BMPR1A: variants seen among roughly 807,000 people sequenced by gnomAD.
BMPR1A encodes the protein bone morphogenetic protein receptor type-1A.
Under a neutral mutation model 66.0 loss-of-function variants are expected in BMPR1A, and 7 were observed. The ratio of observed to expected loss-of-function variants is 0.11; its 90% CI spans 0.06 to 0.20. The LOEUF is 0.20. Among genes scored for constraint, BMPR1A ranks in the 10% least tolerant of loss-of-function variants. The pLI, the probability that BMPR1A is intolerant of heterozygous loss-of-function variation, is 1.00. For missense variants in BMPR1A, 408 were observed against 669.1 expected, an observed-to-expected ratio of 0.61 and a Z score of 4.31; for synonymous variants, 200 against 229.7, an observed-to-expected ratio of 0.87 and a Z score of 1.17.
At chr10:86,874,926 T>C (rs895018041) in intron 2 of BMPR1A, among the ~76,000 whole-genome samples, 6 of 150,192 alleles carry the variant, frequency 4.0e-5, no homozygotes, top group Non-Finnish European at 8.9e-5. Flanking sequence ...GGTTTCACCA[T>C]GCTGGCCAGG....
intron 1 of BMPR1A, among the ~76,000 whole-genome samples, chr10:86,797,555 G>A (rs575722993): frequency 2.8e-4 from 42 of 151,946 alleles, no homozygotes; most frequent in African/African-American, 9.6e-4. Context: ...TAGTAGAGAC[G>A]AGGTTTCACC....
intron 2 of BMPR1A, among the ~76,000 whole-genome samples, chr10:86,864,358 T>C (rs1842751910): frequency 6.6e-6 from 1 of 152,224 alleles, no homozygotes; most frequent in Admixed American, 6.5e-5. Flanking sequence ...GCCTCCACTA[T>C]TGCTCTCGGT....
chr10:86,894,183 GGCAGTCAT>G (rs1169561166), intron 5 of BMPR1A, among the ~76,000 whole-genome samples: 1 of 152,308 alleles, frequency 6.6e-6, no homozygotes, highest in African/African-American at 2.4e-5. Context: ...TTAGATATTT[GGCAGTCAT>G]GCCATATTCT....
intron 3 of BMPR1A, among the ~76,000 whole-genome samples, chr10:86,878,835 G>A (rs1004470335): frequency 6.6e-6 from 1 of 152,182 alleles, no homozygotes. Context: ...CTAGGGCTGG[G>A]TGTGTTGTTC....
At chr10:86,758,391 CTTA>C (rs1353266820) in intron 1 of BMPR1A, among the ~76,000 whole-genome samples, 2 of 122,170 alleles carry the variant, frequency 1.6e-5, no homozygotes, top group Non-Finnish European at 3.5e-5. Flanking sequence ...TTTTGTCTTT[CTTA>C]TTAGTTAACA....
intron 1 of BMPR1A, among the ~76,000 whole-genome samples, chr10:86,773,386 T>G (rs1452202686): frequency 2.0e-5 from 3 of 151,878 alleles, no homozygotes; most frequent in African/African-American, 7.3e-5. Context: ...GTCAGGAGTT[T>G]GAGACTAGCC....
chr10:86,881,598 A>G (rs1842986888), intron 3 of BMPR1A, among the ~76,000 whole-genome samples: 1 of 152,216 alleles, frequency 6.6e-6, no homozygotes, highest in Non-Finnish European at 1.5e-5. Context: ...ACCATATTGG[A>G]CAGCACAGCT....
chr10:86,882,934 G>A (rs1445368047), intron 3 of BMPR1A, among the ~76,000 whole-genome samples: 1 of 152,082 alleles, frequency 6.6e-6, no homozygotes, highest in East Asian at 1.9e-4. Flanking sequence ...CTGTACTCCA[G>A]CCTGGGCAAC....
At chr10:86,819,212 C>T (rs927948038) in intron 1 of BMPR1A, among the ~76,000 whole-genome samples, 1 of 152,156 alleles carries the variant, frequency 6.6e-6, no homozygotes, top group Non-Finnish European at 1.5e-5. Context: ...ACTTACATCT[C>T]TGGAGATCTC....
chr10:86,763,929 C>T (rs942117403), intron 1 of BMPR1A, among the ~76,000 whole-genome samples: 6 of 151,876 alleles, frequency 4.0e-5, no homozygotes, highest in Admixed American at 6.6e-5. Flanking sequence ...TAGCTGGGAC[C>T]ACAGGAGCCC....
At chr10:86,899,966 A>G in intron 6 of BMPR1A, 61 bp from the exon 7 acceptor site, 1 of 1,611,188 alleles carries the variant, frequency 6.2e-7, no homozygotes, top group Non-Finnish European at 8.5e-7. Context: ...GCTACCTAGA[A>G]TTGAACACGT....
intron 3 of BMPR1A, among the ~76,000 whole-genome samples, chr10:86,881,604 C>T (rs1488122224): frequency 6.6e-6 from 1 of 152,192 alleles, no homozygotes; most frequent in Non-Finnish European, 1.5e-5. Flanking sequence ...TTGGACAGCA[C>T]AGCTCTCGAG....
chr10:86,771,041 C>T (rs1841250472), intron 1 of BMPR1A, among the ~76,000 whole-genome samples: 1 of 152,130 alleles, frequency 6.6e-6, no homozygotes, highest in African/African-American at 2.4e-5. Context: ...TTCTCAGTGG[C>T]CTGTTTCCAA....
chr10:86,882,365 G>C (rs1370644279), intron 3 of BMPR1A, among the ~76,000 whole-genome samples: 1 of 152,082 alleles, frequency 6.6e-6, no homozygotes, highest in African/African-American at 2.4e-5. Context: ...GGAGGTTGCA[G>C]TGAGCCGAGA....
chr10:86,814,022 G>A (rs1305690432), intron 1 of BMPR1A, among the ~76,000 whole-genome samples: 1 of 152,056 alleles, frequency 6.6e-6, no homozygotes, highest in Non-Finnish European at 1.5e-5. Flanking sequence ...TGTTGTTAAT[G>A]TAGTTTTTTT....
Position 86,852,096 on chromosome 10 carries a change from G to A in BMPR1A, c.-153+13117G>A, listed in dbSNP as rs1166932563. On this transcript the variant is annotated intron_variant, in intron 2 of 12. Coordinates refer to ENST00000372037, the MANE Select transcript of BMPR1A (RefSeq NM_004329.3). The stretch of plus-strand genomic sequence containing the variant: ...AAGACCTTGCCTTTAAAAAAGAAAA[G>A]TCTGAAATACCCCTCACAACTGTTA... Among the ~76,000 whole-genome samples the A allele has an allele frequency of 2.7e-5, 4 of 149,996 alleles. No homozygotes were observed. The South Asian group carries it at 8.5e-4, about 32-fold the overall frequency.
At position 86,861,762 on chromosome 10, in the gene BMPR1A, G is replaced by A. The variant is rs182646362; in HGVS notation, c.-152-14105G>A. On this transcript the variant is annotated intron_variant, in intron 2 of 12. Transcript: ENST00000372037. Reference sequence around the variant, plus strand: ...CTTTTAATTTATATCTCAAACTTGAGGATATCCATGAAAACAGCGGAAACT... The same window carrying A: ...CTTTTAATTTATATCTCAAACTTGAAGATATCCATGAAAACAGCGGAAACT... 4.2e-4 allele frequency among the ~76,000 whole-genome samples: 64 copies of A among 152,294 alleles called. 1 individual carries two copies. Among genetic ancestry groups the A allele is most frequent in the African/African-American group, 1.4e-3 (59 of 41,556 alleles).
chr10:86,786,336 G>C (rs1304452985), intron 1 of BMPR1A, among the ~76,000 whole-genome samples: 2 of 151,886 alleles, frequency 1.3e-5, no homozygotes, highest in Non-Finnish European at 2.9e-5. Flanking sequence ...CCTAAAAGAA[G>C]TATCTGCACT....
intron 1 of BMPR1A, among the ~76,000 whole-genome samples, chr10:86,775,877 G>T (rs1468396728): frequency 6.6e-6 from 1 of 152,120 alleles, no homozygotes; most frequent in Non-Finnish European, 1.5e-5. Flanking sequence ...CATGCATTGT[G>T]CATTGCAGCT....
Sources: allele counts gnomAD v4.1 joint callset (sites outside exome capture counted in the v4.1 genomes callset), GRCh38; gene constraint gnomAD v4.1.1; transcripts MANE v1.5; gene names NCBI Gene and HGNC (gene_info 2026-07-23, HGNC 2026-07-21).